ATPAF2: variants seen among roughly 807,000 people sequenced by gnomAD.
ATPAF2 encodes ATP12 homolog.
In ATPAF2, 30 loss-of-function variants were observed where a neutral mutation model predicts 36.6. That is an observed-to-expected ratio of 0.82 (90% CI 0.61 to 1.11). The LOEUF (loss-of-function observed/expected upper bound fraction) is 1.11, where lower values mean the gene tolerates loss of function less well. Among genes scored for constraint, ATPAF2 ranks in the 50% most tolerant of loss-of-function variants. ATPAF2 has a pLI of 0.00. For synonymous variants in ATPAF2, 140 were observed against 152.6 expected (o/e 0.92, Z 0.61); for missense variants, 321 against 372.3 (o/e 0.86, Z 1.13).
chr17:18,020,450 G>C (rs1273297283), intron 7 of ATPAF2, among the ~76,000 whole-genome samples: 6 of 152,224 alleles, frequency 3.9e-5, no homozygotes, highest in African/African-American at 9.6e-5. Context: ...GAACCTCCTT[G>C]TGCAGAGTGA....
chr17:18,025,181 A>C, intron 4 of ATPAF2: 8 of 255,146 alleles, frequency 3.1e-5, no homozygotes, highest in South Asian at 8.8e-5. Context: ...CTCTACCCTC[A>C]CCCCCTCCAA....
Position 18,021,221 on chromosome 17 carries a change from C to T in ATPAF2, c.634G>A (p.Ala212Thr). Residue 212 changes from alanine (A) to threonine (T), a missense_variant, in exon 7 of 8, where the codon GCC becomes ACC. Transcript: ENST00000474627. Reference sequence around the variant, plus strand: ...GTTAGCACCATGGACTTGAGCTGGGCAGCTACAAACTCAATCCCTGCAGGG... The same window carrying T: ...GTTAGCACCATGGACTTGAGCTGGGTAGCTACAAACTCAATCCCTGCAGGG... ...WALQGIEFVA[A>T]QLKSMVLTLG... is the part of the protein sequence containing the mutation. 2 of 1,613,432 alleles carry T rather than the reference C, an allele frequency of 1.2e-6. No individual in the cohort carries two copies. The highest frequency in any genetic ancestry group is 4.5e-5 in the East Asian group (2 of 44,854).
chr17:18,026,062 A>AG, intron 4 of ATPAF2: 1 of 569,928 alleles, frequency 1.8e-6, no homozygotes, highest in South Asian at 2.0e-5. Context: ...CACCTGCAAG[A>AG]GCTGCATAAC....
At position 18,024,689 on chromosome 17, in the gene ATPAF2, C is replaced by T. The variant is rs1384147738; in HGVS notation, c.438G>A (p.Glu146=). 3 of 1,613,502 alleles carry T rather than the reference C, an allele frequency of 1.9e-6. No homozygotes were observed. The highest frequency in any genetic ancestry group is 1.3e-5 in the African/African-American group (1 of 74,896). The change falls in exon 5 of 8, where the codon GAG becomes GAA. Residue 146 remains glutamate (E), a synonymous_variant. Transcript: ENST00000474627. ...TTTGAAGTTCCACTAATGTCTCGGG[C>T]TCCTCCACCCTGTAGCTAATTCATT... ...DTDTICYRVE[E]PETLVELQRN...
rs1425442109 is a variant in ATPAF2 at position 18,039,148 on chromosome 17, G to A, written c.-135C>T. The A allele has an allele frequency of 7.0e-6, 9 of 1,281,076 alleles. No homozygotes were observed. The highest frequency in any genetic ancestry group is 2.5e-5 in the East Asian group (1 of 39,264). 79.4% of individuals were successfully genotyped at this position (1,281,076 alleles called of 1,614,324 possible). ...CTCCTCAGAGCCCTCAACCTCCCTT[G>A]GACGCCGCCATCTTCCGCATGACAC... On this transcript the variant is annotated 5_prime_UTR_variant, in exon 1 of 8. Transcript: ENST00000474627. This position sits in a 1 kb window ranked among gnomAD's most constrained non-coding sequence, Gnocchi z 5.3.
At chr17:18,035,256 C>T (rs2044688591) in intron 1 of ATPAF2, among the ~76,000 whole-genome samples, 1 of 151,866 alleles carries the variant, frequency 6.6e-6, no homozygotes. Flanking sequence ...CAAAAAAAAC[C>T]CAAACTTTAA....
At chr17:18,031,552 G>A (rs948380576) in intron 1 of ATPAF2, among the ~76,000 whole-genome samples, 3 of 151,878 alleles carry the variant, frequency 2.0e-5, no homozygotes, top group South Asian at 2.1e-4. Flanking sequence ...GGGCTGAGGC[G>A]GGCGGATCAC....
chr17:18,017,445 A>C (rs1448814665), downstream of ATPAF2, among the ~76,000 whole-genome samples: 1 of 152,172 alleles, frequency 6.6e-6, no homozygotes, highest in African/African-American at 2.4e-5. Flanking sequence ...GGGAAGCAGG[A>C]GGAGAGGCTG....
intron 1 of ATPAF2, 27 bp from the exon 2 acceptor site, chr17:18,028,686 A>T (rs763761227): frequency 1.2e-6 from 2 of 1,610,104 alleles, no homozygotes; most frequent in Non-Finnish European, 1.7e-6. Flanking sequence ...TCAAAGAGGC[A>T]GTTTAAAATA....
At chr17:18,019,147 CCACACACACA>C (rs138932269) in intron 7 of ATPAF2, among the ~76,000 whole-genome samples, 79 of 135,568 alleles carry the variant, frequency 5.8e-4, no homozygotes, top group Non-Finnish European at 9.9e-4. Context: ...CTCAAAAACA[CCACACACACA>C]CACACACACA....
At chr17:18,028,992 C>T (rs1437678716) in intron 1 of ATPAF2, among the ~76,000 whole-genome samples, 2 of 152,180 alleles carry the variant, frequency 1.3e-5, no homozygotes, top group African/African-American at 2.4e-5. Flanking sequence ...GCCAGCACAA[C>T]GAGTTCAAAC....
Position 18,021,848 on chromosome 17 carries a change from C to T in ATPAF2, c.513G>A (p.Val171=), listed in dbSNP as rs1229632474. ...IIEWAEKRYG[V]EISSSTSIMG... ...TTATGCTGGTGGAGGAGCTGATCTC[C>T]ACGCCGTATCTGAAAGGAAAAGGGC... The change falls in exon 6 of 8, where the codon GTG becomes GTA. Residue 171 remains valine, a synonymous_variant. Coordinates refer to ENST00000474627, the MANE Select transcript of ATPAF2 (RefSeq NM_145691.4). 1 of 1,614,026 alleles carries T rather than the reference C, an allele frequency of 6.2e-7. No individual in the cohort carries two copies. The highest frequency in any genetic ancestry group is 1.7e-5 in the Admixed American group (1 of 60,024).
At chr17:18,023,962 A>G (rs957836005) in intron 5 of ATPAF2, among the ~76,000 whole-genome samples, 3 of 152,232 alleles carry the variant, frequency 2.0e-5, no homozygotes, top group African/African-American at 4.8e-5. Flanking sequence ...TTTCATATCA[A>G]TTCCTGGAAG....
At chr17:18,016,535 C>T (rs185963900), downstream of ATPAF2, 4 of 1,511,596 alleles carry the variant, frequency 2.6e-6, no homozygotes, top group East Asian at 2.3e-5. Flanking sequence ...TGTAAGGAAT[C>T]GGGCTTTGGT....
chr17:18,015,280 C>A (rs1467241109), downstream of ATPAF2: 1 of 152,228 alleles, frequency 6.6e-6, no homozygotes, highest in African/African-American at 2.4e-5. Context: ...AAAAAATGCA[C>A]ACTCCACTTG....
chr17:18,018,662 A>T lies in ATPAF2; in HGVS notation c.757T>A (p.Trp253Arg). The T allele has an allele frequency of 6.2e-7, 1 of 1,613,964 alleles. No individual in the cohort carries two copies. The highest frequency in any genetic ancestry group is 1.1e-5 in the South Asian group (1 of 91,080). Residue 253 changes from tryptophan (W) to arginine (R), a missense_variant, in exon 8 of 8, where the codon TGG becomes AGG. This residue lies in a region of ATPAF2 where 199 missense variants were observed against 220.6 expected (regional missense o/e 0.90). Coordinates refer to ENST00000474627, the MANE Select transcript of ATPAF2 (RefSeq NM_145691.4). ...TCCTGCAGCTCATAGTCATGGGCCC[A>T]CTCAATGTTGCCCCACTTCTGGATC... ...YQIQKWGNIE[W>R]AHDYELQELR...
intron 1 of ATPAF2, among the ~76,000 whole-genome samples, chr17:18,036,301 C>T (rs1009578884): frequency 1.3e-5 from 2 of 152,044 alleles, no homozygotes; most frequent in African/African-American, 2.4e-5. Flanking sequence ...GGGGGCCGGG[C>T]GCGGTGGCTC....
chr17:18,032,450 A>G (rs2044649286), intron 1 of ATPAF2, among the ~76,000 whole-genome samples: 1 of 152,228 alleles, frequency 6.6e-6, no homozygotes, highest in Non-Finnish European at 1.5e-5. Context: ...CAAGCAGAAG[A>G]AAACCATGCA....
chr17:18,019,118 C>A (rs1045903498), intron 7 of ATPAF2, among the ~76,000 whole-genome samples: 2 of 148,672 alleles, frequency 1.3e-5, no homozygotes, highest in African/African-American at 5.0e-5. Flanking sequence ...CCCACTTGGG[C>A]AACAGAGCAA....
Sources: gnomAD v4.1 joint callset for allele counts (sites outside exome capture counted in the v4.1 genomes callset) on GRCh38, gnomAD v4.1.1 for gene constraint, gnomAD v4.1.1 regional missense constraint, Gnocchi (gnomAD v3.1) non-coding constraint, MANE v1.5 for transcripts, NCBI Gene and HGNC (gene_info 2026-07-23, HGNC 2026-07-21) for gene names.